GREM1: variants seen among roughly 807,000 people sequenced by gnomAD.
GREM1 encodes the protein gremlin-1.
GREM1 carries 6 observed loss-of-function variants against 13.1 expected under a neutral mutation model. The observed-to-expected ratio is 0.46, with a 90% confidence interval of 0.25 to 0.91. The LOEUF (loss-of-function observed/expected upper bound fraction) is 0.91. GREM1 is among the 40% of genes least tolerant of loss of function. The pLI is 0.18. For synonymous variants in GREM1, 98 were observed against 93.7 expected, an observed-to-expected ratio of 1.05 and a Z score of -0.27; for missense variants, 185 against 233.9, an observed-to-expected ratio of 0.79 and a Z score of 1.36.
rs2055693396 is a variant in GREM1, at chr15:32,736,036, A to G, written c.*4791A>G. On this transcript the variant is annotated 3_prime_UTR_variant, in exon 2 of 2. Coordinates refer to ENST00000651154, the MANE Select transcript of GREM1 (RefSeq NM_013372.7). ...CCTCTCCAGCTCCACAATAGCTTTG[A>G]AACCAACAGCCTGCAATTACCATGA... The G allele has an allele frequency of 6.6e-6, 1 of 152,244 alleles. No individual in the cohort carries two copies. The highest frequency in any genetic ancestry group is 1.5e-5 in the Non-Finnish European group (1 of 68,032). 9.4% of individuals were successfully genotyped at this position (152,244 alleles called of 1,614,324 possible). A position where few individuals can be genotyped will look rare whatever the true frequency, so the allele number is the denominator to read the frequency against.
At position 32,739,830 on chromosome 15, in the gene GREM1, C is replaced by T. The variant is rs2055746169; in HGVS notation, c.*8585C>T. The T allele has an allele frequency of 6.6e-6, 1 of 152,234 alleles. No homozygotes were observed. The allele number at this position is 152,234 out of a possible 1,614,324, so 9.4% of individuals were successfully genotyped here. A position where few individuals can be genotyped will look rare whatever the true frequency, so the allele number is the denominator to read the frequency against. ...AGAGACTCCCTAGCACTCAGTTTCTCCCAGGTGAGAGGAGTTGGTTCACAT... is the reference window on the plus strand; with the variant it reads ...AGAGACTCCCTAGCACTCAGTTTCTTCCAGGTGAGAGGAGTTGGTTCACAT... On this transcript the variant is annotated 3_prime_UTR_variant, in exon 2 of 2. Coordinates refer to ENST00000651154, the MANE Select transcript of GREM1 (RefSeq NM_013372.7).
At chr15:32,725,049 T>C (rs2055477599) in intron 1 of GREM1, among the ~76,000 whole-genome samples, 2 of 152,162 alleles carry the variant, frequency 1.3e-5, no homozygotes, top group Non-Finnish European at 2.9e-5. Context: ...GATGAGCACT[T>C]GGGTTGGCTC....
intron 1 of GREM1, among the ~76,000 whole-genome samples, chr15:32,720,343 C>T (rs893141357): frequency 2.0e-5 from 3 of 152,004 alleles, no homozygotes; most frequent in Non-Finnish European, 4.4e-5. Context: ...GAAACTAAGC[C>T]GAAGATGCCT....
chr15:32,722,880 C>G (rs1327421303), intron 1 of GREM1, among the ~76,000 whole-genome samples: 2 of 152,168 alleles, frequency 1.3e-5, no homozygotes, highest in Non-Finnish European at 2.9e-5. Flanking sequence ...AGAAGCTGAA[C>G]TGCATTGATG....
rs1317254639 is a variant in GREM1 at position 32,734,617 on chromosome 15, C to T, written c.*3372C>T. ...ATTTAATTTTCACCCCAATAATGTT[C>T]TATATAGCCTTTGCTAAAGAGCAAC... On this transcript the variant is annotated 3_prime_UTR_variant, in exon 2 of 2. Coordinates refer to ENST00000651154, the MANE Select transcript of GREM1 (RefSeq NM_013372.7). The T allele has an allele frequency of 2.0e-5, 5 of 245,734 alleles. 1 individual carries two copies. The Admixed American group carries it at 2.3e-4, about 11-fold the overall frequency. 15.2% of individuals were successfully genotyped at this position (245,734 alleles called of 1,614,324 possible). A position where few individuals can be genotyped will look rare whatever the true frequency, so the allele number is the denominator to read the frequency against.
Position 32,739,097 on chromosome 15 carries a change from A to G in GREM1, c.*7852A>G, listed in dbSNP as rs923185050. 1 of 152,250 alleles carries G rather than the reference A, an allele frequency of 6.6e-6. No homozygotes were observed. Among genetic ancestry groups the G allele is most frequent in the African/African-American group, 2.4e-5 (1 of 41,470 alleles). 9.4% of individuals were successfully genotyped at this position (152,250 alleles called of 1,614,324 possible). On this transcript the variant is annotated 3_prime_UTR_variant, in exon 2 of 2. Transcript: ENST00000651154. ...AAAGGAAAAAGAAGTCATCCAGATTAGAAAAGAAATAAAATAATTTCAATT... is the reference window on the plus strand; with the variant it reads ...AAAGGAAAAAGAAGTCATCCAGATTGGAAAAGAAATAAAATAATTTCAATT...
In GREM1 at chr15:32,731,351, C is replaced by T; in HGVS notation, c.*106C>T. The T allele has an allele frequency of 2.4e-6, 2 of 822,978 alleles. No homozygotes were observed. Among genetic ancestry groups the T allele is most frequent in the Non-Finnish European group, 3.9e-6 (2 of 518,372 alleles). The allele number at this position is 822,978 out of a possible 1,614,324, so 51.0% of individuals were successfully genotyped here. A position where few individuals can be genotyped will look rare whatever the true frequency, so the allele number is the denominator to read the frequency against. ...GGCTTAAACCTAGAGGCCAGAAGAA[C>T]CCCCAGCTGCCTCCTGGCAGGAGCC... On this transcript the variant is annotated 3_prime_UTR_variant, in exon 2 of 2. Transcript: ENST00000651154.
chr15:32,743,465 CT>C lies in GREM1; in HGVS notation c.*12222del, dbSNP rs1242066595. On this transcript the variant is annotated 3_prime_UTR_variant, in exon 2 of 2. Transcript: ENST00000651154. Reference sequence around the variant, plus strand: ...AGTATCCTATAGTACTTATATATTGCTTGGTAACAAATTATGCCAAAATTTA... The same window carrying C: ...AGTATCCTATAGTACTTATATATTGCTGGTAACAAATTATGCCAAAATTTA... The C allele has an allele frequency of 1.3e-5, 2 of 152,258 alleles. No individual in the cohort carries two copies. The highest frequency in any genetic ancestry group is 1.3e-4 in the Admixed American group (2 of 15,282). The allele number at this position is 152,258 out of a possible 1,614,324, so 9.4% of individuals were successfully genotyped here.
chr15:32,720,039 A>C (rs1311571075), intron 1 of GREM1, among the ~76,000 whole-genome samples: 6 of 151,938 alleles, frequency 3.9e-5, no homozygotes, highest in African/African-American at 7.3e-5. Context: ...AATATTAACT[A>C]TTTCAGGGAT....
At position 32,742,818 on chromosome 15, in the gene GREM1, T is replaced by C. The variant is rs2055773312; in HGVS notation, c.*11573T>C. On this transcript the variant is annotated 3_prime_UTR_variant, in exon 2 of 2. Coordinates refer to ENST00000651154, the MANE Select transcript of GREM1 (RefSeq NM_013372.7). ...CAAATGGTGTTGGGAAAACTGAATATCCACATGCAAAAGAATAAAATTGGA... is the reference window on the plus strand; with the variant it reads ...CAAATGGTGTTGGGAAAACTGAATACCCACATGCAAAAGAATAAAATTGGA... 6.6e-6 allele frequency: 1 copy of C among 152,096 alleles called. No individual in the cohort carries two copies. The highest frequency in any genetic ancestry group is 2.1e-4 in the South Asian group (1 of 4,828). The allele number at this position is 152,096 out of a possible 1,614,324, so 9.4% of individuals were successfully genotyped here. A position where few individuals can be genotyped will look rare whatever the true frequency, so the allele number is the denominator to read the frequency against.
rs147059822 is a variant in GREM1 at position 32,721,081 on chromosome 15, G to A, written c.-2+2920G>A. Among the ~76,000 whole-genome samples the A allele has an allele frequency of 3.3e-5, 5 of 152,194 alleles. No individual in the cohort carries two copies. In the South Asian group the frequency reaches 6.2e-4, roughly 19 times the overall value. ...TGAGGCAGGAGAATTGCTTGAAACC[G>A]GGAGGCGGAGGTTGTGGTGAGCCCA... On this transcript the variant is annotated intron_variant, in intron 1 of 1. Transcript: ENST00000651154.
chr15:32,718,086 C>T lies in GREM1; in HGVS notation c.-77C>T. 3 of 1,221,678 alleles carry T rather than the reference C, an allele frequency of 2.5e-6. No homozygotes were observed. Among genetic ancestry groups the T allele is most frequent in the Non-Finnish European group, 3.1e-6 (3 of 968,030 alleles). The allele number at this position is 1,221,678 out of a possible 1,614,324, so 75.7% of individuals were successfully genotyped here. On this transcript the variant is annotated 5_prime_UTR_variant, in exon 1 of 2. Coordinates refer to ENST00000651154, the MANE Select transcript of GREM1 (RefSeq NM_013372.7). ...GGTCCCGCTGACCCCGCGCCGAGCC[C>T]CGGCGGCTCTGGCCGCGGCCGCACT...
At position 32,731,077 on chromosome 15, in the gene GREM1, G is replaced by A; in HGVS notation, c.387G>A (p.Arg129=). The part of the protein sequence containing the change: ...YGQCNSFYIP[R]HIRKEEGSFQ... ...AGTGCAACTCTTTCTACATCCCCAG[G>A]CACATCCGGAAGGAGGAAGGTTCCT... Residue 129 remains arginine (R), a synonymous_variant, in exon 2 of 2, where the codon AGG becomes AGA. Coordinates refer to ENST00000651154, the MANE Select transcript of GREM1 (RefSeq NM_013372.7). 6.2e-7 allele frequency: 1 copy of A among 1,614,144 alleles called. No individual in the cohort carries two copies.
intron 1 of GREM1, among the ~76,000 whole-genome samples, chr15:32,730,251 A>G (rs1319957346): frequency 2.0e-5 from 3 of 152,236 alleles, no homozygotes; most frequent in Non-Finnish European, 4.4e-5. Flanking sequence ...AGGAAGCCTC[A>G]GGCTAGTTGG....
chr15:32,732,566 A>T lies in GREM1; in HGVS notation c.*1321A>T, dbSNP rs3812933. On this transcript the variant is annotated 3_prime_UTR_variant, in exon 2 of 2. Transcript: ENST00000651154. ...AGTTAGGTGTTAATACCTGGTAGAGATGTAAGGGATATGACCTCCCTTTCT... is the reference window on the plus strand; with the variant it reads ...AGTTAGGTGTTAATACCTGGTAGAGTTGTAAGGGATATGACCTCCCTTTCT... 2 of 246,190 alleles carry T rather than the reference A, an allele frequency of 8.1e-6. No homozygotes were observed. The highest frequency in any genetic ancestry group is 1.7e-5 in the Non-Finnish European group (2 of 117,000). 15.3% of individuals were successfully genotyped at this position (246,190 alleles called of 1,614,324 possible).
At chr15:32,719,532 G>A (rs936963178) in intron 1 of GREM1, among the ~76,000 whole-genome samples, 1 of 138,256 alleles carries the variant, frequency 7.2e-6, no homozygotes, top group South Asian at 2.4e-4. Flanking sequence ...AGCGTTAGGG[G>A]TTAAAATCCC....
At position 32,732,030 on chromosome 15, in the gene GREM1, C is replaced by T. The variant is rs1312980127; in HGVS notation, c.*785C>T. The T allele has an allele frequency of 4.3e-6, 1 of 232,646 alleles. No homozygotes were observed. The highest frequency in any genetic ancestry group is 6.7e-5 in the East Asian group (1 of 14,862). 14.4% of individuals were successfully genotyped at this position (232,646 alleles called of 1,614,324 possible). On this transcript the variant is annotated 3_prime_UTR_variant, in exon 2 of 2. Coordinates refer to ENST00000651154, the MANE Select transcript of GREM1 (RefSeq NM_013372.7). Reference sequence around the variant, plus strand: ...AGTCTTTTCCTAGTATTTAACAGAACCCAAGTGAACAGAGGAGAAATGAGA... The same window carrying T: ...AGTCTTTTCCTAGTATTTAACAGAATCCAAGTGAACAGAGGAGAAATGAGA...
rs1482997023 is a variant in GREM1, at chr15:32,733,151, C to T, written c.*1906C>T. The T allele has an allele frequency of 4.4e-6, 1 of 229,442 alleles. No homozygotes were observed. The highest frequency in any genetic ancestry group is 9.4e-6 in the Non-Finnish European group (1 of 106,418). 14.2% of individuals were successfully genotyped at this position (229,442 alleles called of 1,614,324 possible). ...CACTACTGATGATTCTCACGCTAGGCGAATTTGTCCAAACACATAGTGTGT... is the reference window on the plus strand; with the variant it reads ...CACTACTGATGATTCTCACGCTAGGTGAATTTGTCCAAACACATAGTGTGT... On this transcript the variant is annotated 3_prime_UTR_variant, in exon 2 of 2. Coordinates refer to ENST00000651154, the MANE Select transcript of GREM1 (RefSeq NM_013372.7).
At chr15:32,724,359 C>A (rs1398078606) in intron 1 of GREM1, among the ~76,000 whole-genome samples, 3 of 152,154 alleles carry the variant, frequency 2.0e-5, no homozygotes, top group South Asian at 4.1e-4. Context: ...GTGAATTTGT[C>A]TGGAGGCCAT....
Sources: gnomAD v4.1 joint callset for allele counts (sites outside exome capture counted in the v4.1 genomes callset) on GRCh38, gnomAD v4.1.1 for gene constraint, MANE v1.5 for transcripts, NCBI Gene and HGNC (gene_info 2026-07-23, HGNC 2026-07-21) for gene names.